Variants in PHETA2 observed in about 807,000 individuals in gnomAD.
The protein encoded by PHETA2 is PH domain containing endocytic trafficking adaptor 2.
For missense variants in PHETA2, 321 were observed against 341.3 expected (o/e 0.94, Z 0.47); for synonymous variants, 133 against 142.9 (o/e 0.93, Z 0.50).
rs1254465409 is a variant in PHETA2 at position 42,078,217 on chromosome 22, C to T, written c.*144C>T. 17 of 939,954 alleles carry T rather than the reference C, an allele frequency of 1.8e-5. No individual in the cohort carries two copies. The highest frequency in any genetic ancestry group is 3.3e-4 in the Middle Eastern group (1 of 2,990). 58.2% of individuals were successfully genotyped at this position (939,954 alleles called of 1,614,324 possible). A position where few individuals can be genotyped will look rare whatever the true frequency, so the allele number is the denominator to read the frequency against. ...GCATTCTCCAGGTTCGAGATCCACC[C>T]GTGTGTCTGGAAGGGACTGCGGGAC... is the stretch of plus-strand genomic sequence containing the variant. On this transcript the variant is annotated 3_prime_UTR_variant, in exon 3 of 3. Transcript: ENST00000321753.
Position 42,078,011 on chromosome 22 carries a change from C to T in PHETA2, c.718C>T (p.Gln240Ter). ...WYGQEIVELR[Q>*]CWQKRAQGSH... Reference sequence around the variant, plus strand: ...TGGCCAGGAGATCGTGGAGCTGCGGCAGTGTTGGCAGAAGAGGGCCCAGGG... The same window carrying T: ...TGGCCAGGAGATCGTGGAGCTGCGGTAGTGTTGGCAGAAGAGGGCCCAGGG... The change falls in exon 3 of 3, where the codon CAG becomes TAG. Residue 240 changes from glutamine (Q) to a stop codon, truncating the protein, a stop_gained. Coordinates refer to ENST00000321753, the MANE Select transcript of PHETA2 (RefSeq NM_001002034.3). LOFTEE classifies it low-confidence loss of function (END_TRUNC). The T allele has an allele frequency of 6.2e-7, 1 of 1,610,780 alleles. No homozygotes were observed. Among genetic ancestry groups the T allele is most frequent in the Non-Finnish European group, 8.5e-7 (1 of 1,178,766 alleles).
chr22:42,075,276 T>C lies in PHETA2; in HGVS notation c.-96-295T>C, dbSNP rs1022712356. Among the ~76,000 whole-genome samples the C allele has an allele frequency of 6.6e-6, 1 of 152,084 alleles. No homozygotes were observed. The highest frequency in any genetic ancestry group is 1.5e-5 in the Non-Finnish European group (1 of 68,004). ...ATCATGGAAGGCCTCCCAGATTAGGTGACTTCAGTTAAAGCCAGGAAGTGC... is the reference window on the plus strand; with the variant it reads ...ATCATGGAAGGCCTCCCAGATTAGGCGACTTCAGTTAAAGCCAGGAAGTGC... On this transcript the variant is annotated intron_variant, in intron 1 of 2. Coordinates refer to ENST00000321753, the MANE Select transcript of PHETA2 (RefSeq NM_001002034.3). This position sits in a 1 kb window ranked among gnomAD's most constrained non-coding sequence, Gnocchi z 4.8.
intron 1 of PHETA2, among the ~76,000 whole-genome samples, chr22:42,074,706 C>G (rs1178562031): frequency 6.6e-6 from 1 of 152,120 alleles, no homozygotes; most frequent in Non-Finnish European, 1.5e-5. Flanking sequence ...TGCCCACCCC[C>G]TCCCTGTGCC....
At position 42,077,617 on chromosome 22, in the gene PHETA2, C is replaced by A; in HGVS notation, c.324C>A (p.Ala108=). 6.2e-7 allele frequency: 1 copy of A among 1,614,086 alleles called. No individual in the cohort carries two copies. The highest frequency in any genetic ancestry group is 8.5e-7 in the Non-Finnish European group (1 of 1,179,988). ...PHLLAAEGPA[A]QEAWVKVLSR... ...TGCTGGCCGCAGAAGGGCCGGCGGC[C>A]CAGGAGGCCTGGGTGAAGGTGCTGT... The change falls in exon 3 of 3, where the codon GCC becomes GCA. Residue 108 remains alanine (A), a synonymous_variant. Coordinates refer to ENST00000321753, the MANE Select transcript of PHETA2 (RefSeq NM_001002034.3).
Position 42,078,393 on chromosome 22 carries a change from G to T in PHETA2, c.*320G>T, listed in dbSNP as rs996932383. On this transcript the variant is annotated 3_prime_UTR_variant, in exon 3 of 3. Transcript: ENST00000321753. Reference sequence around the variant, plus strand: ...ATGAAGGAAGTGGGGAATGTCACCCGAGACTGTCACAGGCTTGCCATACCT... The same window carrying T: ...ATGAAGGAAGTGGGGAATGTCACCCTAGACTGTCACAGGCTTGCCATACCT... 5.7e-6 allele frequency: 2 copies of T among 349,528 alleles called. No individual in the cohort carries two copies. The highest frequency in any genetic ancestry group is 1.1e-5 in the Non-Finnish European group (2 of 184,234). 21.7% of individuals were successfully genotyped at this position (349,528 alleles called of 1,614,324 possible). A position where few individuals can be genotyped will look rare whatever the true frequency, so the allele number is the denominator to read the frequency against.
intron 2 of PHETA2, 147 bp from the exon 3 acceptor site, chr22:42,077,133 A>G (rs1363313902): frequency 1.7e-6 from 1 of 597,450 alleles, no homozygotes; most frequent in Non-Finnish European, 2.7e-6. Context: ...CCCACTTCTC[A>G]GGAGACTTTA....
Position 42,077,354 on chromosome 22 carries a change from A to G in PHETA2, c.61A>G (p.Met21Val). ...ACTCAGCGACTCCCCAGCGGACCAC[A>G]TGGGCTTCCTGCGCACCTGGGGGGG... ...YALSDSPADHMGFLRTWGGPG... is the reference protein window; with the variant it reads ...YALSDSPADHVGFLRTWGGPG... Residue 21 changes from methionine to valine, a missense_variant, in exon 3 of 3, where the codon ATG becomes GTG. Met to Val is a conservative substitution (Grantham distance 21). Transcript: ENST00000321753. The G allele has an allele frequency of 8.9e-6, 14 of 1,580,800 alleles. No individual in the cohort carries two copies. Among genetic ancestry groups the G allele is most frequent in the Non-Finnish European group, 1.1e-5 (13 of 1,163,822 alleles).
Position 42,075,729 on chromosome 22 carries a change from C to T in PHETA2, c.-15+77C>T, listed in dbSNP as rs1353489299. 2.0e-5 allele frequency: 3 copies of T among 152,224 alleles called. No homozygotes were observed. The highest frequency in any genetic ancestry group is 4.4e-5 in the Non-Finnish European group (3 of 68,080). The allele number at this position is 152,224 out of a possible 1,614,324, so 9.4% of individuals were successfully genotyped here. ...GGCCATGTAACCTTGGGCAAGTTCCCCTCACTGCGCTGGGCCTTGGTTTTC... is the reference window on the plus strand; with the variant it reads ...GGCCATGTAACCTTGGGCAAGTTCCTCTCACTGCGCTGGGCCTTGGTTTTC... On this transcript the variant is annotated intron_variant, in intron 2 of 2. Transcript: ENST00000321753. This position sits in a 1 kb window ranked among gnomAD's most constrained non-coding sequence, Gnocchi z 4.8.
rs1016328259 is a variant in PHETA2 at position 42,075,732 on chromosome 22, C to T, written c.-15+80C>T. 1 of 152,276 alleles carries T rather than the reference C, an allele frequency of 6.6e-6. No homozygotes were observed. The highest frequency in any genetic ancestry group is 2.4e-5 in the African/African-American group (1 of 41,428). 9.4% of individuals were successfully genotyped at this position (152,276 alleles called of 1,614,324 possible). ...CATGTAACCTTGGGCAAGTTCCCCT[C>T]ACTGCGCTGGGCCTTGGTTTTCCAT... On this transcript the variant is annotated intron_variant, in intron 2 of 2. Transcript: ENST00000321753. The surrounding 1 kb of genome is among the most constrained non-coding windows in gnomAD (Gnocchi z 4.8).
Position 42,078,198 on chromosome 22 carries a change from TC to T in PHETA2, c.*127del. 8.6e-7 allele frequency: 1 copy of T among 1,157,570 alleles called. No homozygotes were observed. The highest frequency in any genetic ancestry group is 1.2e-6 in the Non-Finnish European group (1 of 840,220). 71.7% of individuals were successfully genotyped at this position (1,157,570 alleles called of 1,614,324 possible). A position where few individuals can be genotyped will look rare whatever the true frequency, so the allele number is the denominator to read the frequency against. ...TCTCCTTCCTGCTATTTAGGCATTC[TC>T]CAGGTTCGAGATCCACCCGTGTGTC... On this transcript the variant is annotated 3_prime_UTR_variant, in exon 3 of 3. Coordinates refer to ENST00000321753, the MANE Select transcript of PHETA2 (RefSeq NM_001002034.3).
Position 42,078,064 on chromosome 22 carries a change from T to G in PHETA2, c.771T>G (p.Asp257Glu), listed in dbSNP as rs146715413. ...QGSHSKCEEQDRP is the reference protein window; with the variant it reads ...QGSHSKCEEQERP ...GCCACTCAAAATGTGAGGAACAGGA[T>G]AGGCCCTAAGTCTGGGCCCTTTGAG... is the stretch of plus-strand genomic sequence containing the variant. The change falls in exon 3 of 3, where the codon GAT (aspartate) becomes GAG (glutamate). Residue 257 changes from aspartate (D) to glutamate (E), a missense_variant. By Grantham distance (45) the Asp-to-Glu change is conservative (BLOSUM62 2). Transcript: ENST00000321753. 7.1e-4 allele frequency: 1,126 copies of G among 1,588,922 alleles called. 11 individuals are homozygous for G. In the African/African-American group the frequency reaches 0.014, roughly 19 times the overall value.
chr22:42,077,522 G>C lies in PHETA2; in HGVS notation c.229G>C (p.Ala77Pro). Residue 77 changes from alanine (A) to proline (P), a missense_variant, in exon 3 of 3, where the codon GCC (alanine) becomes CCC (proline). Transcript: ENST00000321753. The part of the protein sequence containing the change: ...VVLEGCTVEL[A>P]EAPVPEEFAF... ...GCTGGAAGGCTGCACAGTGGAACTG[G>C]CCGAGGCTCCCGTGCCCGAGGAGTT... The C allele has an allele frequency of 6.2e-7, 1 of 1,614,190 alleles. No individual in the cohort carries two copies. The highest frequency in any genetic ancestry group is 8.5e-7 in the Non-Finnish European group (1 of 1,180,034).
rs368590052 is a variant in PHETA2 at position 42,077,424 on chromosome 22, G to A, written c.131G>A (p.Trp44Ter). Residue 44 changes from tryptophan (W) to a stop codon, truncating the protein, a stop_gained, in exon 3 of 3, where the codon TGG (tryptophan) becomes TAG (stop). Coordinates refer to ENST00000321753, the MANE Select transcript of PHETA2 (RefSeq NM_001002034.3). LOFTEE classifies it low-confidence loss of function (END_TRUNC). Reference sequence around the variant, plus strand: ...CCCAGTGGCACTGGCCGAAGATGCTGGTTTGTCCTCAAGGGCAACCTGCTA... The same window carrying A: ...CCCAGTGGCACTGGCCGAAGATGCTAGTTTGTCCTCAAGGGCAACCTGCTA... ...PTPSGTGRRC[W>*]FVLKGNLLFS... The A allele has an allele frequency of 2.2e-5, 35 of 1,613,184 alleles. No individual in the cohort carries two copies. The highest frequency in any genetic ancestry group is 3.0e-5 in the Non-Finnish European group (35 of 1,179,554).
rs1927511528 is a variant in PHETA2, at chr22:42,079,225, C to T, written c.*1152C>T. The T allele has an allele frequency of 6.0e-6, 1 of 167,544 alleles. No individual in the cohort carries two copies. Among genetic ancestry groups the T allele is most frequent in the African/African-American group, 2.4e-5 (1 of 41,484 alleles). 10.4% of individuals were successfully genotyped at this position (167,544 alleles called of 1,614,324 possible). On this transcript the variant is annotated 3_prime_UTR_variant, in exon 3 of 3. Transcript: ENST00000321753. ...TCACTGGGGCCTTGGGCAGGACCGA[C>T]CCGCATCCAACTAGGCCTAAGGGGT...
chr22:42,078,145 G>C lies in PHETA2; in HGVS notation c.*72G>C. ...AGTTAAATGTTTACCCATTTCCAAGGTTGCGTTTTGGGAGGGGACATGGGT... is the reference window on the plus strand; with the variant it reads ...AGTTAAATGTTTACCCATTTCCAAGCTTGCGTTTTGGGAGGGGACATGGGT... On this transcript the variant is annotated 3_prime_UTR_variant, in exon 3 of 3. Coordinates refer to ENST00000321753, the MANE Select transcript of PHETA2 (RefSeq NM_001002034.3). 1 of 1,449,642 alleles carries C rather than the reference G, an allele frequency of 6.9e-7. No homozygotes were observed. Among genetic ancestry groups the C allele is most frequent in the South Asian group, 1.5e-5 (1 of 67,558 alleles). 89.8% of individuals were successfully genotyped at this position (1,449,642 alleles called of 1,614,324 possible). A position where few individuals can be genotyped will look rare whatever the true frequency, so the allele number is the denominator to read the frequency against.
chr22:42,079,032 T>C lies in PHETA2; in HGVS notation c.*959T>C, dbSNP rs1371835475. The stretch of plus-strand genomic sequence containing the variant: ...TCTCATAGCCGTTTGTCACCCAGGG[T>C]GTACTTGCCAGGACCTCTCCTTGCT... On this transcript the variant is annotated 3_prime_UTR_variant, in exon 3 of 3. Coordinates refer to ENST00000321753, the MANE Select transcript of PHETA2 (RefSeq NM_001002034.3). 2.4e-5 allele frequency: 4 copies of C among 167,202 alleles called. No individual in the cohort carries two copies. 10.4% of individuals were successfully genotyped at this position (167,202 alleles called of 1,614,324 possible).
rs8139226 is a variant in PHETA2, at chr22:42,078,449, A to G, written c.*376A>G. On this transcript the variant is annotated 3_prime_UTR_variant, in exon 3 of 3. Coordinates refer to ENST00000321753, the MANE Select transcript of PHETA2 (RefSeq NM_001002034.3). ...CTACACACCGGGCTCTAGAGCCATAATTTCCAACCTGGGGAGTCTCCTGTG... is the reference window on the plus strand; with the variant it reads ...CTACACACCGGGCTCTAGAGCCATAGTTTCCAACCTGGGGAGTCTCCTGTG... 3,888 of 227,536 alleles carry G rather than the reference A, an allele frequency of 0.017. 149 individuals are homozygous for G. Among genetic ancestry groups the G allele is most frequent in the African/African-American group, 0.083 (3,654 of 43,810 alleles). 14.1% of individuals were successfully genotyped at this position (227,536 alleles called of 1,614,324 possible). A position where few individuals can be genotyped will look rare whatever the true frequency, so the allele number is the denominator to read the frequency against.
rs539968487 is a variant in PHETA2 at position 42,075,177 on chromosome 22, T to TG, written c.-96-387dup. The stretch of plus-strand genomic sequence containing the variant: ...TGGGATGAAGGAAACAAACCAGAAA[T>TG]GGGGGGGTCTACTGGTCAGGTGACC... On this transcript the variant is annotated intron_variant, in intron 1 of 2. Coordinates refer to ENST00000321753, the MANE Select transcript of PHETA2 (RefSeq NM_001002034.3). The surrounding 1 kb of genome is among the most constrained non-coding windows in gnomAD (Gnocchi z 4.8). Among the ~76,000 whole-genome samples, 109 of 152,052 alleles carry TG rather than the reference T, an allele frequency of 7.2e-4. No individual in the cohort carries two copies. Among genetic ancestry groups the TG allele is most frequent in the African/African-American group, 2.1e-3 (89 of 41,470 alleles).
In PHETA2 at chr22:42,078,071, T is replaced by C. The variant is rs376953690; in HGVS notation, c.778T>C (p.Ter260GlnextTer5). 195 of 1,567,900 alleles carry C rather than the reference T, an allele frequency of 1.2e-4. 1 individual carries two copies. The highest frequency in any genetic ancestry group is 1.0e-3 in the South Asian group (86 of 84,410). ...HSKCEEQDRP[*>Q] Reference sequence around the variant, plus strand: ...AAAATGTGAGGAACAGGATAGGCCCTAAGTCTGGGCCCTTTGAGTCAGGAA... The same window carrying C: ...AAAATGTGAGGAACAGGATAGGCCCCAAGTCTGGGCCCTTTGAGTCAGGAA... Residue 260 changes from the stop codon to glutamine (Q), a stop_lost, in exon 3 of 3, where the codon TAA becomes CAA. Coordinates refer to ENST00000321753, the MANE Select transcript of PHETA2 (RefSeq NM_001002034.3).
Sources: gnomAD v4.1 joint callset for allele counts (sites outside exome capture counted in the v4.1 genomes callset) on GRCh38, gnomAD v4.1.1 for gene constraint, Gnocchi (gnomAD v3.1) non-coding constraint, MANE v1.5 for transcripts, NCBI Gene and HGNC (gene_info 2026-07-23, HGNC 2026-07-21) for gene names.